The following MB variants were observed in gnomAD, a reference collection of about 807,000 sequenced individuals.
MB encodes the protein nitrite reductase MB.
A neutral mutation model predicts 14.5 loss-of-function variants in MB; 10 were observed. That is an observed-to-expected ratio of 0.69 (90% confidence interval 0.43 to 1.17). The LOEUF (loss-of-function observed/expected upper bound fraction) is 1.17. MB is among the 50% of genes most tolerant of loss of function. The pLI, the probability that MB is intolerant of heterozygous loss-of-function variation, is 0.00. For missense variants in MB, 169 were observed against 192.7 expected (o/e 0.88, Z 0.73); for synonymous variants, 89 against 78.6 (o/e 1.13, Z -0.70).
chr22:35,615,945 G>A (rs1027870745), intron 1 of MB, among the ~76,000 whole-genome samples: 2 of 152,108 alleles, frequency 1.3e-5, no homozygotes, highest in African/African-American at 2.4e-5. Context: ...GATCACCAAC[G>A]GCTCAAATTT....
In MB at chr22:35,607,380, C is replaced by T; in HGVS notation, c.382G>A (p.Ala128Thr). ...AGGGCCTTGTTCATGGCCCCCTGGG[C>T]ATCAGCACCAAAGTCCCCGGGATGC... The part of the protein sequence containing the change: ...SKHPGDFGAD[A>T]QGAMNKALEL... The change falls in exon 3 of 3, where the codon GCC becomes ACC. Residue 128 changes from alanine (A) to threonine (T), a missense_variant. Coordinates refer to ENST00000397326, the MANE Select transcript of MB (RefSeq NM_005368.3). 6.2e-7 allele frequency: 1 copy of T among 1,614,170 alleles called. No homozygotes were observed. The highest frequency in any genetic ancestry group is 1.1e-5 in the South Asian group (1 of 91,070).
upstream of MB, among the ~76,000 whole-genome samples, chr22:35,620,198 G>T (rs1923374324): frequency 6.6e-6 from 1 of 152,166 alleles, no homozygotes; most frequent in South Asian, 2.1e-4. Flanking sequence ...GCTGGGCATG[G>T]TGGCACGAAC....
upstream of MB, among the ~76,000 whole-genome samples, chr22:35,620,657 A>C (rs1923404581): frequency 1.3e-5 from 2 of 152,238 alleles, no homozygotes; most frequent in Admixed American, 1.3e-4. Context: ...GAAGGCCAAG[A>C]GGCAGATCTG....
chr22:35,619,918 C>T (rs746870741), upstream of MB, among the ~76,000 whole-genome samples: 1 of 152,208 alleles, frequency 6.6e-6, no homozygotes, highest in Non-Finnish European at 1.5e-5. Context: ...GAGGCACCGG[C>T]TGCACCTCTG....
chr22:35,618,557 C>A (rs932561915), upstream of MB, among the ~76,000 whole-genome samples: 1 of 151,992 alleles, frequency 6.6e-6, no homozygotes, highest in African/African-American at 2.4e-5. Context: ...ATCTCTTTGT[C>A]TATCCATGCA....
upstream of MB, among the ~76,000 whole-genome samples, chr22:35,619,702 GAA>G (rs1163209658): frequency 1.3e-5 from 2 of 152,354 alleles, no homozygotes; most frequent in East Asian, 3.9e-4. Flanking sequence ...AATGTAGCTA[GAA>G]AAAGAGTTAA....
At chr22:35,616,964 T>A in intron 1 of MB, 199 bp downstream of exon 1, 4 of 561,280 alleles carry the variant, frequency 7.1e-6, no homozygotes, top group Non-Finnish European at 1.3e-5. Context: ...GCTGCTGACA[T>A]CAGCCTGAAA....
intron 1 of MB, among the ~76,000 whole-genome samples, chr22:35,613,222 G>A (rs1922784103): frequency 6.6e-6 from 1 of 152,252 alleles, no homozygotes; most frequent in Non-Finnish European, 1.5e-5. Context: ...CTGAGGCAGA[G>A]CAGGGCCAAG....
intron 1 of MB, 125 bp from the exon 2 acceptor site, chr22:35,611,231 A>C: frequency 1.5e-6 from 1 of 672,512 alleles, no homozygotes; most frequent in Admixed American, 2.5e-5. Flanking sequence ...CATTCACTTC[A>C]CCTCTCTGTG....
At position 35,608,937 on chromosome 22, in the gene MB, C is replaced by T. The variant is rs116097221; in HGVS notation, c.319-1494G>A. Among the ~76,000 whole-genome samples, 41 of 152,270 alleles carry T rather than the reference C, an allele frequency of 2.7e-4. 1 individual carries two copies. Among genetic ancestry groups the T allele is most frequent in the African/African-American group, 7.0e-4 (29 of 41,564 alleles). ...GAGGTGGAGACTGTCTTATGAACAG[C>T]GCAGAGCGAAGGTCCACCGTGAGGG... is the stretch of plus-strand genomic sequence containing the variant. On this transcript the variant is annotated intron_variant, in intron 2 of 2. Transcript: ENST00000397326. This position sits in a 1 kb window ranked among gnomAD's most constrained non-coding sequence, Gnocchi z 4.3.
chr22:35,607,515 T>G, intron 2 of MB, 72 bp from the exon 3 acceptor site: 1 of 1,446,898 alleles, frequency 6.9e-7, no homozygotes, highest in Non-Finnish European at 9.6e-7. Flanking sequence ...GAGTCAGTTG[T>G]CCTCCTACCT....
At chr22:35,622,255 G>T (rs1401629555), upstream of MB, among the ~76,000 whole-genome samples, 1 of 151,954 alleles carries the variant, frequency 6.6e-6, no homozygotes, top group Non-Finnish European at 1.5e-5. Context: ...CTGCCAGCAG[G>T]CCCTCCCACC....
intron 1 of MB, among the ~76,000 whole-genome samples, chr22:35,612,134 G>A (rs1569119996): frequency 6.6e-6 from 1 of 152,182 alleles, no homozygotes; most frequent in Non-Finnish European, 1.5e-5. Context: ...GGGCAACCCT[G>A]TCTGCCCAGG....
At chr22:35,613,524 A>G (rs1922812565) in intron 1 of MB, among the ~76,000 whole-genome samples, 1 of 152,100 alleles carries the variant, frequency 6.6e-6, no homozygotes, top group African/African-American at 2.4e-5. Context: ...GAGACACGGT[A>G]TTGCTCTGTT....
upstream of MB, among the ~76,000 whole-genome samples, chr22:35,620,636 G>T (rs1044876139): frequency 6.6e-6 from 1 of 152,192 alleles, no homozygotes; most frequent in Non-Finnish European, 1.5e-5. Flanking sequence ...CCCCCTGCCT[G>T]GTGCGCTGGG....
chr22:35,612,744 C>T (rs983781319), intron 1 of MB, among the ~76,000 whole-genome samples: 5 of 152,172 alleles, frequency 3.3e-5, no homozygotes, highest in African/African-American at 7.2e-5. Flanking sequence ...GATGACTATT[C>T]GGACTTTGTT....
chr22:35,622,281 C>T, upstream of MB, among the ~76,000 whole-genome samples: 1 of 150,302 alleles, frequency 6.7e-6, no homozygotes, highest in East Asian at 2.0e-4. Flanking sequence ...CCCAGCTTAG[C>T]TTGTGCCTCC....
chr22:35,607,081 C>T lies in MB; in HGVS notation c.*216G>A. The T allele has an allele frequency of 2.0e-6, 1 of 501,696 alleles. No homozygotes were observed. 31.1% of individuals were successfully genotyped at this position (501,696 alleles called of 1,614,324 possible). ...AGAACACAGTGAGCCAAGGGCCACT[C>T]CCGGTTCCCAGGGTGATGACATCCC... is the stretch of plus-strand genomic sequence containing the variant. On this transcript the variant is annotated 3_prime_UTR_variant, in exon 3 of 3. Coordinates refer to ENST00000397326, the MANE Select transcript of MB (RefSeq NM_005368.3).
upstream of MB, among the ~76,000 whole-genome samples, chr22:35,621,599 T>G (rs943272433): frequency 1.3e-5 from 2 of 152,204 alleles, no homozygotes; most frequent in South Asian, 4.1e-4. Context: ...TCATCTGGCA[T>G]CTGCTTGAAT....
Sources: allele counts gnomAD v4.1 joint callset (sites outside exome capture counted in the v4.1 genomes callset), GRCh38; gene constraint gnomAD v4.1.1; non-coding constraint Gnocchi (gnomAD v3.1); transcripts MANE v1.5; gene names NCBI Gene and HGNC (gene_info 2026-07-23, HGNC 2026-07-21).